KCNC1: variants seen among roughly 807,000 people sequenced by gnomAD.
The protein encoded by KCNC1 is voltage-gated potassium channel KCNC1.
In KCNC1, 8 loss-of-function variants were observed where a neutral mutation model predicts 43.4. The ratio of observed to expected loss-of-function variants is 0.18; its 90% confidence interval spans 0.11 to 0.33. The LOEUF is 0.33. KCNC1 is among the 10% of genes least tolerant of loss of function. KCNC1 has a pLI of 1.00. For synonymous variants in KCNC1, 361 were observed against 360.5 expected (o/e 1.00, Z -0.01); for missense variants, 420 against 836.0 (o/e 0.50, Z 6.14).
Position 17,779,366 on chromosome 11 carries a change from T to C in KCNC1, c.1505-90T>C. ...GTCCTCAGGGACGCTCAAGCTGCCCTCTGCCAATACCCCGCTTCTGGCCTG... is the reference window on the plus strand; with the variant it reads ...GTCCTCAGGGACGCTCAAGCTGCCCCCTGCCAATACCCCGCTTCTGGCCTG... On this transcript the variant is annotated intron_variant, in intron 2 of 3. Transcript: ENST00000265969. The surrounding 1 kb of genome is among the most constrained non-coding windows in gnomAD (Gnocchi z 7.2). The C allele has an allele frequency of 8.9e-7, 1 of 1,123,386 alleles. No homozygotes were observed. Among genetic ancestry groups the C allele is most frequent in the Non-Finnish European group, 1.2e-6 (1 of 824,062 alleles). The allele number at this position is 1,123,386 out of a possible 1,614,324, so 69.6% of individuals were successfully genotyped here. A position where few individuals can be genotyped will look rare whatever the true frequency, so the allele number is the denominator to read the frequency against.
rs927028134 is a variant in KCNC1 at position 17,739,196 on chromosome 11, G to T, written c.570+2624G>T. 6.6e-6 allele frequency among the ~76,000 whole-genome samples: 1 copy of T among 152,188 alleles called. No individual in the cohort carries two copies. ...GCCCCGAGACTCCTCACACCAGCGGGTCGGGACTTAAGTCGTTATTCTAGA... is the reference window on the plus strand; with the variant it reads ...GCCCCGAGACTCCTCACACCAGCGGTTCGGGACTTAAGTCGTTATTCTAGA... On this transcript the variant is annotated intron_variant, in intron 1 of 3. Transcript: ENST00000265969. This position sits in a 1 kb window ranked among gnomAD's most constrained non-coding sequence, Gnocchi z 4.2.
chr11:17,736,580 A>G lies in KCNC1; in HGVS notation c.570+8A>G. On this transcript the variant is annotated splice_region_variant and intron_variant, in intron 1 of 3. Transcript: ENST00000265969. This position sits in a 1 kb window ranked among gnomAD's most constrained non-coding sequence, Gnocchi z 9.3. ...TCGTCCCGCTACGCGCGGGTAAGTGACAATTTACCCATCAGAAGAGCGGGG... is the reference window on the plus strand; with the variant it reads ...TCGTCCCGCTACGCGCGGGTAAGTGGCAATTTACCCATCAGAAGAGCGGGG... The G allele has an allele frequency of 6.6e-7, 1 of 1,512,128 alleles. No homozygotes were observed. The highest frequency in any genetic ancestry group is 8.8e-7 in the Non-Finnish European group (1 of 1,139,176). 93.7% of individuals were successfully genotyped at this position (1,512,128 alleles called of 1,614,324 possible).
intron 1 of KCNC1, among the ~76,000 whole-genome samples, chr11:17,759,881 A>G (rs1375231339): frequency 1.3e-5 from 2 of 152,212 alleles, no homozygotes; most frequent in Non-Finnish European, 2.9e-5. Context: ...ACAAAAAGTG[A>G]GCATATGCTG....
At chr11:17,765,630 G>C (rs998894505) in intron 1 of KCNC1, among the ~76,000 whole-genome samples, 1 of 152,120 alleles carries the variant, frequency 6.6e-6, no homozygotes, top group Admixed American at 6.5e-5. Flanking sequence ...GGTTTGGGGG[G>C]AGAAAAAGGC....
At chr11:17,756,965 T>C (rs1357718816) in intron 1 of KCNC1, among the ~76,000 whole-genome samples, 1 of 152,204 alleles carries the variant, frequency 6.6e-6, no homozygotes, top group Admixed American at 6.5e-5. Flanking sequence ...TTTCCAGCTA[T>C]GTGGGGGATT....
chr11:17,744,437 G>T (rs977755550), intron 1 of KCNC1, among the ~76,000 whole-genome samples: 3 of 152,184 alleles, frequency 2.0e-5, no homozygotes, highest in African/African-American at 7.2e-5. Flanking sequence ...GCCTCATCCT[G>T]TCCTCACTCA....
In KCNC1 at chr11:17,775,864, A is replaced by G. The variant is rs375756457; in HGVS notation, c.1504+3266A>G. 3.9e-5 allele frequency: 38 copies of G among 985,360 alleles called. No individual in the cohort carries two copies. In the East Asian group the frequency reaches 1.0e-3, roughly 27 times the overall value. The allele number at this position is 985,360 out of a possible 1,614,324, so 61.0% of individuals were successfully genotyped here. On this transcript the variant is annotated intron_variant, in intron 2 of 3. Coordinates refer to ENST00000265969, the MANE Select transcript of KCNC1 (RefSeq NM_001112741.2). ...GAAGCCCCCGCCTGGGCTCCCTGGG[A>G]GCTAACCTTGCAGCCTCTGGGTTAT...
Position 17,773,019 on chromosome 11 carries a change from C to G in KCNC1, c.1504+421C>G. The G allele has an allele frequency of 9.6e-7, 1 of 1,045,940 alleles. No individual in the cohort carries two copies. Among genetic ancestry groups the G allele is most frequent in the Non-Finnish European group, 1.2e-6 (1 of 868,578 alleles). 64.8% of individuals were successfully genotyped at this position (1,045,940 alleles called of 1,614,324 possible). On this transcript the variant is annotated intron_variant, in intron 2 of 3. Coordinates refer to ENST00000265969, the MANE Select transcript of KCNC1 (RefSeq NM_001112741.2). This position sits in a 1 kb window ranked among gnomAD's most constrained non-coding sequence, Gnocchi z 4.1. ...TTGGAAACGCTAGACAGCCTTTGAT[C>G]TGGTCCTTACCATGGCTCCCTTCAG...
At position 17,777,011 on chromosome 11, in the gene KCNC1, G is replaced by T. The variant is rs185385072; in HGVS notation, c.1505-2445G>T. ...AAGCAGTAGGCCCTAGGGGTGTCCCGGGAATCCCCCAGGAGGGAAAGGTGC... is the reference window on the plus strand; with the variant it reads ...AAGCAGTAGGCCCTAGGGGTGTCCCTGGAATCCCCCAGGAGGGAAAGGTGC... On this transcript the variant is annotated intron_variant, in intron 2 of 3. Transcript: ENST00000265969. This position sits in a 1 kb window ranked among gnomAD's most constrained non-coding sequence, Gnocchi z 4.3. 1.0e-6 allele frequency: 1 copy of T among 985,360 alleles called. No individual in the cohort carries two copies. Among genetic ancestry groups the T allele is most frequent in the African/African-American group, 1.7e-5 (1 of 57,330 alleles). The allele number at this position is 985,360 out of a possible 1,614,324, so 61.0% of individuals were successfully genotyped here. A position where few individuals can be genotyped will look rare whatever the true frequency, so the allele number is the denominator to read the frequency against.
chr11:17,735,894 TGGGGGGA>T lies in KCNC1; in HGVS notation c.-101_-95del. ...GCAGGCCTCTGTTCCCCCCGACGGCTGGGGGGAGGGGGGAAGAGGGCGCGCGCCCCCC... is the reference window on the plus strand; with the variant it reads ...GCAGGCCTCTGTTCCCCCCGACGGCTGGGGGGAAGAGGGCGCGCGCCCCCC... On this transcript the variant is annotated 5_prime_UTR_variant, in exon 1 of 4. Transcript: ENST00000265969. This position sits in a 1 kb window ranked among gnomAD's most constrained non-coding sequence, Gnocchi z 6.7. The T allele has an allele frequency of 8.0e-7, 1 of 1,256,018 alleles. No individual in the cohort carries two copies. Among genetic ancestry groups the T allele is most frequent in the Non-Finnish European group, 1.0e-6 (1 of 964,786 alleles). The allele number at this position is 1,256,018 out of a possible 1,614,324, so 77.8% of individuals were successfully genotyped here.
intron 1 of KCNC1, among the ~76,000 whole-genome samples, chr11:17,745,218 T>C (rs1590093380): frequency 6.6e-6 from 1 of 151,622 alleles, no homozygotes; most frequent in African/African-American, 2.4e-5. Flanking sequence ...GTTGGCAGAG[T>C]GTCACAAGCA....
At position 17,751,152 on chromosome 11, in the gene KCNC1, T is replaced by A. The variant is rs188288838; in HGVS notation, c.570+14580T>A. Among the ~76,000 whole-genome samples, 11 of 152,294 alleles carry A rather than the reference T, an allele frequency of 7.2e-5. No homozygotes were observed. The East Asian group carries it at 2.1e-3, about 29-fold the overall frequency. On this transcript the variant is annotated intron_variant, in intron 1 of 3. Coordinates refer to ENST00000265969, the MANE Select transcript of KCNC1 (RefSeq NM_001112741.2). ...GAGAGCAAGTGGTAGAAGGATTAGATCCCAGGTCTTCTTTTGAAAATAAAT... is the reference window on the plus strand; with the variant it reads ...GAGAGCAAGTGGTAGAAGGATTAGAACCCAGGTCTTCTTTTGAAAATAAAT...
chr11:17,772,366 C>A lies in KCNC1; in HGVS notation c.1272C>A (p.Gly424=). 6.2e-7 allele frequency: 1 copy of A among 1,614,112 alleles called. No individual in the cohort carries two copies. Among genetic ancestry groups the A allele is most frequent in the South Asian group, 1.1e-5 (1 of 91,082 alleles). Residue 424 remains glycine, a synonymous_variant, in exon 2 of 4, where the codon GGC becomes GGA. Coordinates refer to ENST00000265969, the MANE Select transcript of KCNC1 (RefSeq NM_001112741.2). The part of the protein sequence containing the change: ...MLVGALCALA[G]VLTIAMPVPV... ...TGGGGGCTCTGTGTGCGCTGGCGGG[C>A]GTGCTCACCATCGCCATGCCCGTGC...
chr11:17,771,897 C>T lies in KCNC1; in HGVS notation c.803C>T (p.Pro268Leu). The T allele has an allele frequency of 1.2e-6, 2 of 1,614,234 alleles. No homozygotes were observed. The highest frequency in any genetic ancestry group is 1.7e-6 in the Non-Finnish European group (2 of 1,180,036). Residue 268 changes from proline to leucine, a missense_variant, in exon 2 of 4, where the codon CCC becomes CTC. By Grantham distance (98) the Pro-to-Leu change is moderately conservative. Transcript: ENST00000265969. The surrounding 1 kb of genome is among the most constrained non-coding windows in gnomAD (Gnocchi z 4.7). ...FEFLMRVIFC[P>L]NKVEFIKNSL... The stretch of plus-strand genomic sequence containing the variant: ...TTCCTCATGCGTGTCATCTTCTGCC[C>T]CAACAAGGTAGAGTTCATCAAGAAC...
At position 17,736,539 on chromosome 11, in the gene KCNC1, C is replaced by T; in HGVS notation, c.537C>T (p.Leu179=). 6.3e-7 allele frequency: 1 copy of T among 1,576,402 alleles called. No homozygotes were observed. Among genetic ancestry groups the T allele is most frequent in the East Asian group, 2.3e-5 (1 of 43,998 alleles). Residue 179 remains leucine (L), a synonymous_variant, in exon 1 of 4, where the codon CTC becomes CTT. Coordinates refer to ENST00000265969, the MANE Select transcript of KCNC1 (RefSeq NM_001112741.2). This position sits in a 1 kb window ranked among gnomAD's most constrained non-coding sequence, Gnocchi z 9.3. ...GCTGGCAGCCGCGCATCTGGGCGCTCTTCGAGGACCCGTACTCGTCCCGCT... is the reference window on the plus strand; with the variant it reads ...GCTGGCAGCCGCGCATCTGGGCGCTTTTCGAGGACCCGTACTCGTCCCGCT... The part of the protein sequence containing the change: ...WRRWQPRIWA[L]FEDPYSSRYA...
At chr11:17,756,533 A>G (rs1190320205) in intron 1 of KCNC1, among the ~76,000 whole-genome samples, 6 of 148,874 alleles carry the variant, frequency 4.0e-5, no homozygotes, top group Admixed American at 6.6e-5. Context: ...ACACACACAC[A>G]CACACACACA....
At position 17,773,749 on chromosome 11, in the gene KCNC1, G is replaced by A. The variant is rs996227623; in HGVS notation, c.1504+1151G>A. 45 of 985,328 alleles carry A rather than the reference G, an allele frequency of 4.6e-5. No homozygotes were observed. Among genetic ancestry groups the A allele is most frequent in the Non-Finnish European group, 5.3e-5 (44 of 829,958 alleles). The allele number at this position is 985,328 out of a possible 1,614,324, so 61.0% of individuals were successfully genotyped here. ...CTACCTCTACCCATGGAATACCATC[G>A]ACTTATTCTGTGGACACAGGGATTT... On this transcript the variant is annotated intron_variant, in intron 2 of 3. Coordinates refer to ENST00000265969, the MANE Select transcript of KCNC1 (RefSeq NM_001112741.2). The surrounding 1 kb of genome is among the most constrained non-coding windows in gnomAD (Gnocchi z 4.1).
At position 17,779,455 on chromosome 11, in the gene KCNC1, G is replaced by T; in HGVS notation, c.1505-1G>T. On this transcript the variant is annotated splice_acceptor_variant, in intron 2 of 3. Coordinates refer to ENST00000265969, the MANE Select transcript of KCNC1 (RefSeq NM_001112741.2). LOFTEE classifies it high-confidence loss of function. The surrounding 1 kb of genome is among the most constrained non-coding windows in gnomAD (Gnocchi z 7.2). ...AATAGCTTCTGCTTATATGTTTGAA[G>T]ATTCCAAACTGAATGGGGAGGTGGC... 2.6e-6 allele frequency: 4 copies of T among 1,541,136 alleles called. No homozygotes were observed. Among genetic ancestry groups the T allele is most frequent in the Non-Finnish European group, 3.5e-6 (4 of 1,142,640 alleles).
chr11:17,744,675 A>G (rs914320804), intron 1 of KCNC1, among the ~76,000 whole-genome samples: 8 of 152,070 alleles, frequency 5.3e-5, no homozygotes, highest in Admixed American at 5.2e-4. Flanking sequence ...GAGCAGGGGC[A>G]GTGGGGCCAA....
Sources: gnomAD v4.1 joint callset for allele counts (sites outside exome capture counted in the v4.1 genomes callset) on GRCh38, gnomAD v4.1.1 for gene constraint, Gnocchi (gnomAD v3.1) non-coding constraint, MANE v1.5 for transcripts, NCBI Gene and HGNC (gene_info 2026-07-23, HGNC 2026-07-21) for gene names.